The following STRIP2 variants were observed in gnomAD, a reference collection of about 807,000 sequenced individuals.
STRIP2 encodes the protein striatin-interacting protein 2.
STRIP2 carries 84 observed loss-of-function variants against 107.1 expected under a neutral mutation model. The observed-to-expected ratio is 0.78, with a 90% CI of 0.66 to 0.94. The LOEUF (loss-of-function observed/expected upper bound fraction) is 0.94. STRIP2 is among the 40% of genes least tolerant of loss of function. STRIP2 has a pLI of 0.00. For missense variants in STRIP2, 888 were observed against 1,034.2 expected (o/e 0.86, Z 1.94); for synonymous variants, 394 against 400.4 (o/e 0.98, Z 0.19).
chr7:129,439,379 A>G (rs1339484874), intron 1 of STRIP2, among the ~76,000 whole-genome samples: 1 of 152,204 alleles, frequency 6.6e-6, no homozygotes, highest in Non-Finnish European at 1.5e-5. Flanking sequence ...ATTCATATGT[A>G]TGAACATATA....
chr7:129,470,579 C>G, intron 17 of STRIP2, 70 bp from the exon 18 acceptor site: 5 of 1,312,588 alleles, frequency 3.8e-6, no homozygotes, highest in Non-Finnish European at 5.5e-6. Context: ...AACTCCTGCC[C>G]TTTCCAGATA....
At chr7:129,479,077 C>T (rs1799048780) in intron 18 of STRIP2, among the ~76,000 whole-genome samples, 1 of 152,036 alleles carries the variant, frequency 6.6e-6, no homozygotes, top group South Asian at 2.1e-4. Context: ...GAGTTCAAGA[C>T]CAGCCTGACC....
At chr7:129,444,288 T>TA (rs1797978073) in intron 3 of STRIP2, among the ~76,000 whole-genome samples, 190 bp downstream of exon 3, 2 of 152,154 alleles carry the variant, frequency 1.3e-5, no homozygotes, top group Non-Finnish European at 2.9e-5. Context: ...AGTATTAACT[T>TA]ACACAATCAC....
rs1192016323 is a variant in STRIP2 at position 129,470,705 on chromosome 7, C to T, written c.1934C>T (p.Thr645Ile). 2 of 1,613,678 alleles carry T rather than the reference C, an allele frequency of 1.2e-6. No individual in the cohort carries two copies. Among genetic ancestry groups the T allele is most frequent in the Admixed American group, 1.7e-5 (1 of 59,990 alleles). ...CTIQDLPELT[T>I]ESLEAGDNSQ... ...ATCCAGGATTTGCCGGAGCTTACTA[C>T]TGAAAGTCTGGTAAGCAGATGGGGA... is the stretch of plus-strand genomic sequence containing the variant. Residue 645 changes from threonine to isoleucine, a missense_variant, in exon 18 of 21, where the codon ACT becomes ATT. Coordinates refer to ENST00000249344, the MANE Select transcript of STRIP2 (RefSeq NM_020704.3).
At chr7:129,465,342 A>G (rs532835756) in intron 16 of STRIP2, among the ~76,000 whole-genome samples, 2 of 152,280 alleles carry the variant, frequency 1.3e-5, no homozygotes, top group Admixed American at 1.3e-4. Context: ...ATTGTTAGGG[A>G]AGGAGGACAG....
At position 129,484,140 on chromosome 7, in the gene STRIP2, T is replaced by C. The variant is rs111414335; in HGVS notation, c.2254+1094T>C. On this transcript the variant is annotated intron_variant, in intron 20 of 20. Coordinates refer to ENST00000249344, the MANE Select transcript of STRIP2 (RefSeq NM_020704.3). ...ATACTCACATTCTGGATTTGTCTGT[T>C]TTCTTCTTTGTGGTGTTATCTACTT... 6.7e-3 allele frequency among the ~76,000 whole-genome samples: 1,017 copies of C among 152,344 alleles called. 12 individuals carry two copies. The highest frequency in any genetic ancestry group is 0.024 in the African/African-American group (983 of 41,584).
At chr7:129,481,086 G>T (rs1231649018) in intron 19 of STRIP2, among the ~76,000 whole-genome samples, 197 bp downstream of exon 19, 2 of 152,152 alleles carry the variant, frequency 1.3e-5, no homozygotes, top group African/African-American at 2.4e-5. Flanking sequence ...TTTTCAGGGG[G>T]CTGAATCTCA....
In STRIP2 at chr7:129,454,432, G is replaced by T; in HGVS notation, c.611G>T (p.Ser204Ile). 6.2e-7 allele frequency: 1 copy of T among 1,613,818 alleles called. No homozygotes were observed. The highest frequency in any genetic ancestry group is 8.5e-7 in the Non-Finnish European group (1 of 1,179,738). Reference sequence around the variant, plus strand: ...TTCTGTAACCCCAGGGTGCTGCTGAGTGTTATGTACCTAATGGTGGAAAAT... The same window carrying T: ...TTCTGTAACCCCAGGGTGCTGCTGATTGTTATGTACCTAATGGTGGAAAAT... ...ADSTELRVLL[S>I]VMYLMVENIR... Residue 204 changes from serine to isoleucine, a missense_variant, in exon 7 of 21, where the codon AGT (serine) becomes ATT (isoleucine). Physicochemically the swap from Ser to Ile is moderately radical, Grantham distance 142. Transcript: ENST00000249344.
intron 18 of STRIP2, among the ~76,000 whole-genome samples, chr7:129,475,553 C>CTT (rs1292595061): frequency 1.7e-4 from 6 of 35,974 alleles, no homozygotes; most frequent in African/African-American, 2.4e-4. Context: ...CTTTTTTTTT[C>CTT]TTTTTTTTTT....
At chr7:129,445,540 A>G (rs1057356167) in intron 3 of STRIP2, among the ~76,000 whole-genome samples, 1 of 151,778 alleles carries the variant, frequency 6.6e-6, no homozygotes, top group Non-Finnish European at 1.5e-5. Context: ...TGATTCCTGG[A>G]CCGGTGAATC....
At position 129,464,080 on chromosome 7, in the gene STRIP2, A is replaced by G; in HGVS notation, c.1588A>G (p.Thr530Ala). 1 of 1,613,400 alleles carries G rather than the reference A, an allele frequency of 6.2e-7. No individual in the cohort carries two copies. Among genetic ancestry groups the G allele is most frequent in the South Asian group, 1.1e-5 (1 of 91,058 alleles). The change falls in exon 15 of 21, where the codon ACC (threonine) becomes GCC (alanine). Residue 530 changes from threonine to alanine, a missense_variant. By Grantham distance (58) the Thr-to-Ala change is moderately conservative. Coordinates refer to ENST00000249344, the MANE Select transcript of STRIP2 (RefSeq NM_020704.3). ...TAAGATTCTGCTGGCTGCAGCTCCC[A>G]CCTCTAAGGCTAAGACAGACTCTAT... Reference protein sequence around the residue: ...LLKILLAAAPTSKAKTDSINI... With the variant: ...LLKILLAAAPASKAKTDSINI...
chr7:129,480,203 T>A (rs1248201764), intron 18 of STRIP2, among the ~76,000 whole-genome samples: 27 of 152,206 alleles, frequency 1.8e-4, no homozygotes, highest in Admixed American at 1.8e-3. Flanking sequence ...TGTCTCTGGT[T>A]AGGTGTTCAC....
chr7:129,465,384 A>G (rs1020048163), intron 16 of STRIP2, among the ~76,000 whole-genome samples: 4 of 152,194 alleles, frequency 2.6e-5, no homozygotes, highest in African/African-American at 9.7e-5. Context: ...CTAATATGCA[A>G]AAGTCCAGAG....
chr7:129,440,406 A>G (rs368226993), intron 2 of STRIP2, among the ~76,000 whole-genome samples: 8 of 151,690 alleles, frequency 5.3e-5, no homozygotes, highest in East Asian at 1.9e-4. Context: ...CATCTTCTCC[A>G]TATTCCTTCT....
chr7:129,477,373 C>T (rs34794308), intron 18 of STRIP2, among the ~76,000 whole-genome samples: 47,076 of 152,084 alleles, frequency 0.31, 8,525 homozygotes, highest in East Asian at 0.6. Context: ...TATATATCCA[C>T]TTTCCATGAG....
intron 15 of STRIP2, 120 bp downstream of exon 15, chr7:129,464,261 C>A: frequency 1.3e-6 from 1 of 791,626 alleles, no homozygotes; most frequent in South Asian, 1.6e-5. Flanking sequence ...CTCCCCGTCT[C>A]TGCCCACCAG....
At chr7:129,436,414 A>G (rs1797739703) in intron 1 of STRIP2, among the ~76,000 whole-genome samples, 1 of 152,326 alleles carries the variant, frequency 6.6e-6, no homozygotes, top group South Asian at 2.1e-4. Context: ...TGCTTTTGCC[A>G]GTACTTTGCA....
chr7:129,477,916 C>G lies in STRIP2; in HGVS notation c.1945-2869C>G, dbSNP rs1323781281. 15 of 519,368 alleles carry G rather than the reference C, an allele frequency of 2.9e-5. No homozygotes were observed. The East Asian group carries it at 7.8e-4, about 27-fold the overall frequency. 32.2% of individuals were successfully genotyped at this position (519,368 alleles called of 1,614,324 possible). A position where few individuals can be genotyped will look rare whatever the true frequency, so the allele number is the denominator to read the frequency against. On this transcript the variant is annotated intron_variant, in intron 18 of 20. Coordinates refer to ENST00000249344, the MANE Select transcript of STRIP2 (RefSeq NM_020704.3). ...CTCCTGAGTTGAAAAAATTTATAGA[C>G]AAGAAGTTATCATTGAAATTAAATG...
At chr7:129,473,393 G>T (rs1279069319) in intron 18 of STRIP2, among the ~76,000 whole-genome samples, 1 of 152,132 alleles carries the variant, frequency 6.6e-6, no homozygotes, top group East Asian at 1.9e-4. Context: ...ACAGGGTCTT[G>T]CTTTGTCACC....
Sources: gnomAD v4.1 joint callset for allele counts (sites outside exome capture counted in the v4.1 genomes callset) on GRCh38, gnomAD v4.1.1 for gene constraint, MANE v1.5 for transcripts, NCBI Gene and HGNC (gene_info 2026-07-23, HGNC 2026-07-21) for gene names.